Variants in AKAP19 observed in about 807,000 individuals in gnomAD.
AKAP19 encodes A-kinase anchoring protein 19.
chr2:190,182,854 G>A, the AKAP19 span, among the ~76,000 whole-genome samples: 13 of 152,354 alleles, frequency 8.5e-5, no homozygotes, highest in African/African-American at 2.6e-4. Flanking sequence ...TTTAAATTAT[G>A]CAGTTAAGCA....
the AKAP19 span, among the ~76,000 whole-genome samples, chr2:190,161,965 C>T: frequency 4.6e-5 from 7 of 152,142 alleles, no homozygotes; most frequent in African/African-American, 1.7e-4. Context: ...TTTTGGTAGA[C>T]ATTTCACCTA....
At chr2:189,919,241 G>A in the AKAP19 span, among the ~76,000 whole-genome samples, 1 of 152,252 alleles carries the variant, frequency 6.6e-6, no homozygotes, top group East Asian at 1.9e-4. Flanking sequence ...GTGGCTGGGG[G>A]AAGGGATAGA....
the AKAP19 span, among the ~76,000 whole-genome samples, chr2:190,145,199 A>G: frequency 2.0e-4 from 30 of 152,316 alleles, no homozygotes; most frequent in Middle Eastern, 3.4e-3. Flanking sequence ...ACATGGAAGA[A>G]TCACTTGAGC....
the AKAP19 span, chr2:190,060,044 T>G: frequency 1.9e-6 from 3 of 1,608,346 alleles, no homozygotes; most frequent in Non-Finnish European, 2.6e-6. Flanking sequence ...TATAATGTTA[T>G]TTTCAGTTAT....
the AKAP19 span, among the ~76,000 whole-genome samples, chr2:189,990,881 C>T: frequency 1.3e-5 from 2 of 152,086 alleles, no homozygotes; most frequent in African/African-American, 4.8e-5. Context: ...TCTCCTGAGT[C>T]CCCAAAGCCC....
the AKAP19 span, among the ~76,000 whole-genome samples, chr2:190,023,181 C>T: frequency 1.3e-5 from 2 of 151,856 alleles, no homozygotes; most frequent in Non-Finnish European, 2.9e-5. Context: ...CTTTTTTATG[C>T]TATATTGTAA....
the AKAP19 span, among the ~76,000 whole-genome samples, chr2:190,116,963 T>G: frequency 6.6e-6 from 1 of 152,220 alleles, no homozygotes; most frequent in African/African-American, 2.4e-5. Flanking sequence ...ATTAATGGTA[T>G]GAAGGTATGG....
At chr2:190,040,778 A>G in the AKAP19 span, among the ~76,000 whole-genome samples, 2 of 152,098 alleles carry the variant, frequency 1.3e-5, no homozygotes, top group African/African-American at 4.8e-5. Context: ...TTAAATAGAG[A>G]GTCTTTTCCC....
At chr2:190,045,786 G>A in the AKAP19 span, among the ~76,000 whole-genome samples, 7 of 152,312 alleles carry the variant, frequency 4.6e-5, no homozygotes, top group African/African-American at 1.4e-4. Flanking sequence ...CTAGTAGTAT[G>A]TACGGGGGTC....
the AKAP19 span, among the ~76,000 whole-genome samples, chr2:190,027,538 C>G: frequency 6.6e-6 from 1 of 152,148 alleles, no homozygotes; most frequent in Non-Finnish European, 1.5e-5. Context: ...ACCCAAAATT[C>G]AGTGTGACCT....
chr2:190,028,751 T>C, the AKAP19 span, among the ~76,000 whole-genome samples: 1 of 152,158 alleles, frequency 6.6e-6, no homozygotes, highest in Non-Finnish European at 1.5e-5. Flanking sequence ...TGGCCAATAA[T>C]CATGAAAGGT....
At chr2:190,022,737 C>G in the AKAP19 span, among the ~76,000 whole-genome samples, 2 of 151,806 alleles carry the variant, frequency 1.3e-5, no homozygotes, top group Non-Finnish European at 2.9e-5. Context: ...GAGTGTCTAG[C>G]AAATAGTAAG....
At chr2:189,893,168 G>A in the AKAP19 span, among the ~76,000 whole-genome samples, 1 of 152,200 alleles carries the variant, frequency 6.6e-6, no homozygotes, top group Non-Finnish European at 1.5e-5. Flanking sequence ...AGCTTGCTGG[G>A]CTCTACTGAG....
At chr2:189,998,387 T>A in the AKAP19 span, among the ~76,000 whole-genome samples, 1 of 152,246 alleles carries the variant, frequency 6.6e-6, no homozygotes, top group Non-Finnish European at 1.5e-5. Flanking sequence ...CATCTGGGCC[T>A]GGGATTTTCT....
chr2:189,926,106 T>C, the AKAP19 span, among the ~76,000 whole-genome samples: 3 of 152,204 alleles, frequency 2.0e-5, no homozygotes, highest in Non-Finnish European at 2.9e-5. Context: ...TGCATTATCA[T>C]TGATATTCGG....
chr2:190,152,564 A>G, the AKAP19 span, among the ~76,000 whole-genome samples: 1 of 152,242 alleles, frequency 6.6e-6, no homozygotes, highest in African/African-American at 2.4e-5. Context: ...CCTAATAAGA[A>G]TAGCACTTTT....
the AKAP19 span, among the ~76,000 whole-genome samples, chr2:190,121,899 T>A: frequency 6.6e-6 from 1 of 152,206 alleles, no homozygotes; most frequent in African/African-American, 2.4e-5. Context: ...TTTTTTTGTT[T>A]GTTTGTTTGT....
chr2:189,884,615 C>A, the AKAP19 span, among the ~76,000 whole-genome samples: 3 of 152,064 alleles, frequency 2.0e-5, no homozygotes, highest in African/African-American at 7.2e-5. Context: ...GCTGTATTCC[C>A]CCATAAAAAA....
chr2:189,905,130 A>G, the AKAP19 span, among the ~76,000 whole-genome samples: 1 of 151,956 alleles, frequency 6.6e-6, no homozygotes, highest in Non-Finnish European at 1.5e-5. Context: ...GTCTTTGATA[A>G]AGGTAAGACA....
Sources: gnomAD v4.1 joint callset for allele counts (sites outside exome capture counted in the v4.1 genomes callset) on GRCh38, gnomAD v4.1.1 for gene constraint, MANE v1.5 for transcripts, NCBI Gene and HGNC (gene_info 2026-07-23, HGNC 2026-07-21) for gene names.